PPM1H: variants seen among roughly 807,000 people sequenced by gnomAD.
PPM1H encodes the protein protein phosphatase 1H.
Under a neutral mutation model 54.9 loss-of-function variants are expected in PPM1H, and 27 were observed. The ratio of observed to expected loss-of-function variants is 0.49; its 90% CI spans 0.36 to 0.68. The LOEUF is 0.68. Among genes scored for constraint, PPM1H ranks in the 30% least tolerant of loss-of-function variants. PPM1H has a pLI of 0.00. For missense variants in PPM1H, 596 were observed against 667.8 expected, an observed-to-expected ratio of 0.89 and a Z score of 1.19; for synonymous variants, 305 against 270.8, an observed-to-expected ratio of 1.13 and a Z score of -1.24.
chr12:62,772,946 G>A (rs990586749), intron 4 of PPM1H, among the ~76,000 whole-genome samples: 3 of 151,678 alleles, frequency 2.0e-5, no homozygotes, highest in East Asian at 2.0e-4. Context: ...TCAAGAGATC[G>A]GGACCATCCT....
intron 1 of PPM1H, among the ~76,000 whole-genome samples, chr12:62,896,581 G>A (rs1388238341): frequency 3.0e-4 from 46 of 152,252 alleles, no homozygotes; most frequent in Admixed American, 6.5e-4. Flanking sequence ...AATGGAGATC[G>A]TTAAAAAGTC....
At position 62,832,290 on chromosome 12, in the gene PPM1H, A is replaced by C. The variant is rs1281664606; in HGVS notation, c.246-11T>G. ...CCGGCATTGATAACCCTGGAGAAGA[A>C]GCCGGAAAAGCTGGTCAGACAGACC... On this transcript the variant is annotated splice_polypyrimidine_tract_variant and intron_variant, in intron 1 of 9. Transcript: ENST00000228705. The C allele has an allele frequency of 1.9e-6, 3 of 1,600,902 alleles. No individual in the cohort carries two copies. The highest frequency in any genetic ancestry group is 2.7e-5 in the African/African-American group (2 of 74,708).
chr12:62,867,169 G>C (rs1367073762), intron 1 of PPM1H, among the ~76,000 whole-genome samples: 1 of 152,120 alleles, frequency 6.6e-6, no homozygotes, highest in Non-Finnish European at 1.5e-5. Context: ...TATTAATACA[G>C]GATCTGGATT....
In PPM1H at chr12:62,897,878, A is replaced by T. The variant is rs147138215; in HGVS notation, c.245+36614T>A. 8.7e-4 allele frequency among the ~76,000 whole-genome samples: 132 copies of T among 152,336 alleles called. 4 individuals carry two copies. The highest frequency in any genetic ancestry group is 3.1e-3 in the African/African-American group (129 of 41,574). ...CTGCCAAACTGAAGTGATGTGGGGAACAGAAGGTGTAATGGAGTGGGGAAA... is the reference window on the plus strand; with the variant it reads ...CTGCCAAACTGAAGTGATGTGGGGATCAGAAGGTGTAATGGAGTGGGGAAA... On this transcript the variant is annotated intron_variant, in intron 1 of 9. Coordinates refer to ENST00000228705, the MANE Select transcript of PPM1H (RefSeq NM_020700.2).
At chr12:62,805,420 A>G (rs1457239228) in intron 2 of PPM1H, among the ~76,000 whole-genome samples, 1 of 152,236 alleles carries the variant, frequency 6.6e-6, no homozygotes, top group Non-Finnish European at 1.5e-5. Flanking sequence ...ATTATTCACA[A>G]CAGCCAAGAC....
rs560975706 is a variant in PPM1H at position 62,670,127 on chromosome 12, G to A, written c.1246-2798C>T. 6.3e-4 allele frequency among the ~76,000 whole-genome samples: 96 copies of A among 151,770 alleles called. 1 individual carries two copies. Among genetic ancestry groups the A allele is most frequent in the African/African-American group, 2.1e-3 (86 of 41,406 alleles). On this transcript the variant is annotated intron_variant, in intron 8 of 9. Transcript: ENST00000228705. ...CTAGTAGCTGGGATTACAGGCATGT[G>A]CCACCACGCCCGGCTAATTTTGTAT...
intron 1 of PPM1H, among the ~76,000 whole-genome samples, chr12:62,847,352 T>C (rs894577237): frequency 6.6e-6 from 1 of 152,132 alleles, no homozygotes; most frequent in African/African-American, 2.4e-5. Context: ...AGCTAGAGTA[T>C]AGCAAGACCC....
chr12:62,758,138 TA>T (rs1291338801), intron 4 of PPM1H, among the ~76,000 whole-genome samples: 1 of 152,254 alleles, frequency 6.6e-6, no homozygotes, highest in African/African-American at 2.4e-5. Context: ...ATAATAGATT[TA>T]AAAAGTTAAT....
intron 1 of PPM1H, among the ~76,000 whole-genome samples, chr12:62,932,628 C>CT (rs61003358): frequency 0.064 from 3,434 of 53,818 alleles, 751 homozygotes; most frequent in East Asian, 0.39. Context: ...TCCAAATGGG[C>CT]TTTTTTTTTT....
chr12:62,773,061 T>C (rs1272758261), intron 4 of PPM1H, among the ~76,000 whole-genome samples: 4 of 152,104 alleles, frequency 2.6e-5, no homozygotes, highest in Non-Finnish European at 4.4e-5. Flanking sequence ...GGCAGGAGAA[T>C]CGCTTGAACC....
chr12:62,837,214 T>C (rs1425584836), intron 1 of PPM1H, among the ~76,000 whole-genome samples: 1 of 152,232 alleles, frequency 6.6e-6, no homozygotes, highest in Non-Finnish European at 1.5e-5. Flanking sequence ...AATTGTCAAG[T>C]TATCTGCCTT....
At chr12:62,818,917 T>C (rs1384398422) in intron 2 of PPM1H, among the ~76,000 whole-genome samples, 5 of 147,768 alleles carry the variant, frequency 3.4e-5, no homozygotes, top group Non-Finnish European at 7.4e-5. Context: ...ACCTCCTGGG[T>C]TCAAGCAATT....
chr12:62,837,943 G>A (rs572312684), intron 1 of PPM1H, among the ~76,000 whole-genome samples: 1 of 152,230 alleles, frequency 6.6e-6, no homozygotes, highest in South Asian at 2.1e-4. Context: ...CCAGAACAGG[G>A]ACCTCCTCTG....
chr12:62,755,733 C>G, intron 4 of PPM1H: 2 of 739,970 alleles, frequency 2.7e-6, no homozygotes, highest in Non-Finnish European at 4.7e-6. Flanking sequence ...ACTCCGGTAT[C>G]GTGGAAGGAC....
intron 8 of PPM1H, among the ~76,000 whole-genome samples, chr12:62,688,431 A>T (rs1352325835): frequency 2.3e-5 from 3 of 129,820 alleles, no homozygotes; most frequent in African/African-American, 1.2e-4. Flanking sequence ...AAGTAATTAA[A>T]AAAAAAAAAT....
At chr12:62,886,057 T>A (rs546510866) in intron 1 of PPM1H, among the ~76,000 whole-genome samples, 1 of 152,350 alleles carries the variant, frequency 6.6e-6, no homozygotes, top group Non-Finnish European at 1.5e-5. Flanking sequence ...AAAGGCTATG[T>A]GAAAGGCTAC....
chr12:62,823,700 C>A (rs61104483), intron 2 of PPM1H, among the ~76,000 whole-genome samples: 8 of 152,108 alleles, frequency 5.3e-5, no homozygotes, highest in Admixed American at 3.9e-4. Context: ...ATTCAACAGC[C>A]CTTCATGCTA....
At chr12:62,708,869 C>T (rs1370476725) in intron 6 of PPM1H, among the ~76,000 whole-genome samples, 1 of 152,074 alleles carries the variant, frequency 6.6e-6, no homozygotes, top group Non-Finnish European at 1.5e-5. Context: ...GCTCACACCC[C>T]CTCCCTCTTC....
chr12:62,777,197 C>T (rs896274865), intron 4 of PPM1H, among the ~76,000 whole-genome samples: 12 of 152,220 alleles, frequency 7.9e-5, no homozygotes, highest in African/African-American at 2.9e-4. Context: ...ACCAGCATTG[C>T]TATTTCTGCG....
Sources: allele counts gnomAD v4.1 joint callset (sites outside exome capture counted in the v4.1 genomes callset), GRCh38; gene constraint gnomAD v4.1.1; transcripts MANE v1.5; gene names NCBI Gene and HGNC (gene_info 2026-07-23, HGNC 2026-07-21).